NTNG1: variants seen among roughly 807,000 people sequenced by gnomAD.
The protein encoded by NTNG1 is netrin-G1.
NTNG1 carries 16 observed loss-of-function variants against 54.0 expected under a neutral mutation model. The observed-to-expected ratio is 0.30, with a 90% CI of 0.20 to 0.45. The LOEUF is 0.45. NTNG1 is among the 20% of genes least tolerant of loss of function. The probability of loss-of-function intolerance (pLI) is 1.00; values close to 1 mark genes in which losing one functional copy is unlikely to be tolerated. For synonymous variants in NTNG1, 255 were observed against 263.1 expected (o/e 0.97, Z 0.30); for missense variants, 530 against 678.7 (o/e 0.78, Z 2.43).
intron 5 of NTNG1, among the ~76,000 whole-genome samples, chr1:107,414,887 A>C (rs535804320): frequency 1.8e-4 from 28 of 152,330 alleles, no homozygotes; most frequent in African/African-American, 6.3e-4. Flanking sequence ...CTTTTAACCC[A>C]GCCTGAGCTC....
intron 7 of NTNG1, among the ~76,000 whole-genome samples, chr1:107,470,425 C>A (rs1467002411): frequency 6.6e-6 from 1 of 152,142 alleles, no homozygotes; most frequent in Non-Finnish European, 1.5e-5. Flanking sequence ...TGCACTCCTA[C>A]CAGCTATAAA....
chr1:107,332,453 A>G (rs1668338651), intron 3 of NTNG1, among the ~76,000 whole-genome samples: 1 of 152,132 alleles, frequency 6.6e-6, no homozygotes, highest in Admixed American at 6.6e-5. Flanking sequence ...GCTACATTCT[A>G]GCTACATCTG....
chr1:107,266,923 T>G (rs1301673949), intron 2 of NTNG1, among the ~76,000 whole-genome samples: 1 of 152,164 alleles, frequency 6.6e-6, no homozygotes, highest in Non-Finnish European at 1.5e-5. Context: ...CAGATTTCTT[T>G]CACTTCATGT....
intron 2 of NTNG1, among the ~76,000 whole-genome samples, chr1:107,223,558 C>G (rs912994138): frequency 1.1e-4 from 16 of 152,058 alleles, no homozygotes; most frequent in African/African-American, 1.4e-4. Flanking sequence ...TAGTATAAAT[C>G]AGAATGACAC....
chr1:107,156,861 G>T (rs778250550), intron 2 of NTNG1, among the ~76,000 whole-genome samples: 8 of 152,198 alleles, frequency 5.3e-5, no homozygotes, highest in Non-Finnish European at 1.0e-4. Flanking sequence ...AGGTAGCCTT[G>T]ACCACATGGT....
chr1:107,477,571 T>C (rs986047921), intron 7 of NTNG1, among the ~76,000 whole-genome samples: 40 of 152,218 alleles, frequency 2.6e-4, no homozygotes, highest in Non-Finnish European at 5.6e-4. Context: ...TGATGCAGTT[T>C]CCCCATTTAT....
chr1:107,360,408 G>GA (rs1670190725), intron 3 of NTNG1, among the ~76,000 whole-genome samples: 1 of 152,128 alleles, frequency 6.6e-6, no homozygotes, highest in Non-Finnish European at 1.5e-5. Flanking sequence ...GAAACAGTGA[G>GA]TGTAAAGACC....
chr1:107,231,208 A>G (rs1255524205), intron 2 of NTNG1, among the ~76,000 whole-genome samples: 1 of 152,196 alleles, frequency 6.6e-6, no homozygotes, highest in Non-Finnish European at 1.5e-5. Flanking sequence ...GGCCATGATG[A>G]TCATCATAAA....
At position 107,404,013 on chromosome 1, in the gene NTNG1, T is replaced by G. The variant is rs920834; in HGVS notation, c.1061-3669T>G. Among the ~76,000 whole-genome samples, 1,312 of 151,660 alleles carry G rather than the reference T, an allele frequency of 8.7e-3. 17 individuals carry two copies. The highest frequency in any genetic ancestry group is 0.025 in the African/African-American group (1,055 of 41,440). The stretch of plus-strand genomic sequence containing the variant: ...TATCTTTCCCAAGTATTTTTGAGGT[T>G]GTTCCAGAGATGGAGTTAAGCTAAT... On this transcript the variant is annotated intron_variant, in intron 4 of 7. Transcript: ENST00000370068.
intron 3 of NTNG1, among the ~76,000 whole-genome samples, chr1:107,374,986 G>C (rs1229153890): frequency 6.6e-6 from 1 of 152,154 alleles, no homozygotes; most frequent in Non-Finnish European, 1.5e-5. Flanking sequence ...CTGTGAATTA[G>C]AGATTTTCTA....
At chr1:107,140,657 C>T (rs1653584443), upstream of NTNG1, among the ~76,000 whole-genome samples, 1 of 151,056 alleles carries the variant, frequency 6.6e-6, no homozygotes, top group Non-Finnish European at 1.5e-5. Flanking sequence ...CTAAGCTCAA[C>T]GTCTTCATCT....
At chr1:107,247,055 T>C (rs1359301636) in intron 2 of NTNG1, among the ~76,000 whole-genome samples, 1 of 152,308 alleles carries the variant, frequency 6.6e-6, no homozygotes, top group East Asian at 1.9e-4. Flanking sequence ...GATTTTTCAC[T>C]AAAGTACATT....
chr1:107,249,678 A>C lies in NTNG1; in HGVS notation c.247-74604A>C, dbSNP rs534030921. 2.0e-3 allele frequency among the ~76,000 whole-genome samples: 302 copies of C among 152,286 alleles called. 1 individual carries two copies. The highest frequency in any genetic ancestry group is 3.0e-3 in the Non-Finnish European group (204 of 68,028). ...AAATCTCTTTCTCTTAATAATCCAC[A>C]CTGTATATTAGCATGTTAAGGACTT... On this transcript the variant is annotated intron_variant, in intron 2 of 7. Transcript: ENST00000370068.
chr1:107,147,259 C>T (rs533816376), intron 1 of NTNG1, among the ~76,000 whole-genome samples: 13 of 152,198 alleles, frequency 8.5e-5, no homozygotes, highest in African/African-American at 2.6e-4. Context: ...AACTCACCCT[C>T]GGCTATTTTT....
intron 5 of NTNG1, among the ~76,000 whole-genome samples, chr1:107,429,556 G>GTCATT (rs1349181090): frequency 6.6e-6 from 1 of 151,998 alleles, no homozygotes; most frequent in Non-Finnish European, 1.5e-5. Flanking sequence ...AAGAATGAAT[G>GTCATT]AATGTGTTCA....
intron 2 of NTNG1, among the ~76,000 whole-genome samples, chr1:107,238,247 C>T (rs1036975217): frequency 9.8e-5 from 15 of 152,306 alleles, no homozygotes; most frequent in Admixed American, 9.8e-4. Context: ...TGCATGGGGT[C>T]TATAGCCCCT....
At chr1:107,254,883 A>C (rs145370218) in intron 2 of NTNG1, among the ~76,000 whole-genome samples, 1,631 of 152,316 alleles carry the variant, frequency 0.011, 23 homozygotes, top group Middle Eastern at 0.048. Flanking sequence ...GTATTCAAAG[A>C]GGCTTCATAC....
chr1:107,227,024 C>T (rs2101504691), intron 2 of NTNG1, among the ~76,000 whole-genome samples: 1 of 152,266 alleles, frequency 6.6e-6, no homozygotes, highest in Middle Eastern at 3.4e-3. Flanking sequence ...CCAGCTCTCC[C>T]ATTTGAGTGC....
intron 2 of NTNG1, among the ~76,000 whole-genome samples, chr1:107,211,441 A>G (rs551446614): frequency 1.6e-4 from 24 of 152,300 alleles, no homozygotes; most frequent in African/African-American, 5.3e-4. Flanking sequence ...AATAATACCT[A>G]TAAGAGGCAG....
Sources: allele counts gnomAD v4.1 joint callset (sites outside exome capture counted in the v4.1 genomes callset), GRCh38; gene constraint gnomAD v4.1.1; transcripts MANE v1.5; gene names NCBI Gene and HGNC (gene_info 2026-07-23, HGNC 2026-07-21).